STRIP1: variants seen among roughly 807,000 people sequenced by gnomAD.
STRIP1 encodes the protein striatin-interacting protein 1.
STRIP1 carries 63 observed loss-of-function variants against 106.2 expected under a neutral mutation model. The ratio of observed to expected loss-of-function variants is 0.59; its 90% CI spans 0.48 to 0.73. The LOEUF (loss-of-function observed/expected upper bound fraction) is 0.73. Among genes scored for constraint, STRIP1 ranks in the 30% least tolerant of loss-of-function variants. The probability of loss-of-function intolerance (pLI) is 0.00; values close to 1 mark genes in which losing one functional copy is unlikely to be tolerated. For missense variants in STRIP1, 857 were observed against 1,074.8 expected, an observed-to-expected ratio of 0.80 and a Z score of 2.83; for synonymous variants, 390 against 413.0, an observed-to-expected ratio of 0.94 and a Z score of 0.67.
chr1:110,037,189 G>A (rs1652499963), intron 1 of STRIP1, among the ~76,000 whole-genome samples: 2 of 152,144 alleles, frequency 1.3e-5, no homozygotes. Flanking sequence ...CAGGTAGACT[G>A]TAATTAAACC....
intron 2 of STRIP1, 88 bp downstream of exon 2, chr1:110,038,048 C>A: frequency 1.9e-6 from 1 of 528,262 alleles, no homozygotes; most frequent in Non-Finnish European, 3.3e-6. Context: ...TTTAGGGCTT[C>A]ATTGCTTTCC....
At chr1:110,034,472 A>T, upstream of STRIP1, 1 of 695,000 alleles carries the variant, frequency 1.4e-6, no homozygotes, top group Non-Finnish European at 2.2e-6. Context: ...TCAACAAGGG[A>T]AGGACTGCAG....
chr1:110,047,292 T>C (rs1183559952), intron 13 of STRIP1, among the ~76,000 whole-genome samples: 2 of 152,252 alleles, frequency 1.3e-5, no homozygotes, highest in Non-Finnish European at 2.9e-5. Flanking sequence ...ACTGGGTCTC[T>C]CTATGCTTTA....
chr1:110,034,093 T>C (rs1652313644), upstream of STRIP1, among the ~76,000 whole-genome samples: 1 of 152,260 alleles, frequency 6.6e-6, no homozygotes, highest in African/African-American at 2.4e-5. Flanking sequence ...TTTAACACTT[T>C]TCAGCATTTA....
chr1:110,035,141 G>A (rs1259854246), intron 1 of STRIP1, among the ~76,000 whole-genome samples: 1 of 152,176 alleles, frequency 6.6e-6, no homozygotes, highest in Non-Finnish European at 1.5e-5. Flanking sequence ...TCGGGGGTGA[G>A]GAGTCGGGGG....
Position 110,051,822 on chromosome 1 carries a change from A to C in STRIP1, c.2201A>C (p.Lys734Thr). Reference protein sequence around the residue: ...LGRQWRKSNMKTMSAIYQKVR... With the variant: ...LGRQWRKSNMTTMSAIYQKVR... Reference sequence around the variant, plus strand: ...CGGCAGTGGCGAAAGAGCAACATGAAGACCATGTCTGCCATCTACCAGAAG... The same window carrying C: ...CGGCAGTGGCGAAAGAGCAACATGACGACCATGTCTGCCATCTACCAGAAG... Residue 734 changes from lysine to threonine, a missense_variant, in exon 20 of 21, where the codon AAG becomes ACG. Lys to Thr is a moderately conservative substitution (Grantham distance 78). Transcript: ENST00000369795. 1 of 1,613,620 alleles carries C rather than the reference A, an allele frequency of 6.2e-7. No homozygotes were observed. The highest frequency in any genetic ancestry group is 8.5e-7 in the Non-Finnish European group (1 of 1,180,034).
chr1:110,032,036 T>G (rs1259091728), upstream of STRIP1, among the ~76,000 whole-genome samples: 1 of 151,928 alleles, frequency 6.6e-6, no homozygotes, highest in Non-Finnish European at 1.5e-5. Context: ...GCCTGGCCCC[T>G]CAAAGTTAGC....
At chr1:110,039,914 G>C (rs1557789020) in intron 5 of STRIP1, 1 of 1,293,332 alleles carries the variant, frequency 7.7e-7, no homozygotes, top group Middle Eastern at 2.2e-4. Flanking sequence ...GGCCTTGCCT[G>C]TGTCACCTTT....
chr1:110,034,561 T>A, upstream of STRIP1: 1 of 1,435,816 alleles, frequency 7.0e-7, no homozygotes, highest in South Asian at 1.5e-5. Flanking sequence ...GCCAGGGAAA[T>A]TTCCTGGAGA....
In STRIP1 at chr1:110,041,340, C is replaced by T. The variant is rs183598173; in HGVS notation, c.651-196C>T. The T allele has an allele frequency of 3.1e-5, 17 of 539,980 alleles. 1 individual carries two copies. In the Middle Eastern group the frequency reaches 2.0e-3, roughly 64 times the overall value. The allele number at this position is 539,980 out of a possible 1,614,324, so 33.4% of individuals were successfully genotyped here. A position where few individuals can be genotyped will look rare whatever the true frequency, so the allele number is the denominator to read the frequency against. ...TGTTCTGCTTTGACCCTACAGCTCG[C>T]TACCACCTCTGTGGTTTTTTTCTTT... On this transcript the variant is annotated intron_variant, in intron 6 of 20. Coordinates refer to ENST00000369795, the MANE Select transcript of STRIP1 (RefSeq NM_033088.4).
Position 110,034,741 on chromosome 1 carries a change from C to A in STRIP1, c.104C>A (p.Ala35Glu). Reference protein sequence around the residue: ...PPAAAQPPPGAPRAAAGLLPG... With the variant: ...PPAAAQPPPGEPRAAAGLLPG... Reference sequence around the variant, plus strand: ...GCAGCCGCACAGCCACCACCCGGGGCACCGCGGGCCGCCGCGGGCCTCCTG... The same window carrying A: ...GCAGCCGCACAGCCACCACCCGGGGAACCGCGGGCCGCCGCGGGCCTCCTG... The change falls in exon 1 of 21, where the codon GCA (alanine) becomes GAA (glutamate). Residue 35 changes from alanine (A) to glutamate (E), a missense_variant. Coordinates refer to ENST00000369795, the MANE Select transcript of STRIP1 (RefSeq NM_033088.4). The A allele has an allele frequency of 6.8e-7, 1 of 1,471,856 alleles. No individual in the cohort carries two copies. The highest frequency in any genetic ancestry group is 8.9e-7 in the Non-Finnish European group (1 of 1,118,156). The allele number at this position is 1,471,856 out of a possible 1,614,324, so 91.2% of individuals were successfully genotyped here. A position where few individuals can be genotyped will look rare whatever the true frequency, so the allele number is the denominator to read the frequency against.
At chr1:110,049,599 C>T (rs374606802) in intron 17 of STRIP1, 39 bp downstream of exon 17, 3 of 1,436,494 alleles carry the variant, frequency 2.1e-6, no homozygotes, top group Admixed American at 1.8e-5. Flanking sequence ...TGGATATGGT[C>T]AGACGGCAGA....
intron 17 of STRIP1, chr1:110,049,800 C>T: frequency 2.0e-6 from 1 of 492,178 alleles, no homozygotes; most frequent in Non-Finnish European, 3.6e-6. Context: ...GTTTTCATCC[C>T]AGGATCTAGT....
At chr1:110,041,354 GT>G (rs1165104444) in intron 6 of STRIP1, 181 bp from the exon 7 acceptor site, 29 of 559,216 alleles carry the variant, frequency 5.2e-5, no homozygotes, top group Admixed American at 1.9e-4. Flanking sequence ...CACCTCTGTG[GT>G]TTTTTTCTTT....
chr1:110,032,465 C>T (rs2101757633), upstream of STRIP1, among the ~76,000 whole-genome samples: 1 of 152,282 alleles, frequency 6.6e-6, no homozygotes, highest in East Asian at 1.9e-4. Flanking sequence ...GATAAAATGC[C>T]TTTAAGGATT....
intron 17 of STRIP1, 32 bp downstream of exon 17, chr1:110,049,592 A>T (rs747671432): frequency 5.4e-6 from 8 of 1,487,792 alleles, no homozygotes; most frequent in Non-Finnish European, 7.5e-6. Context: ...GAAGGGGTGG[A>T]TATGGTCAGA....
In STRIP1 at chr1:110,041,543, C is replaced by T; in HGVS notation, c.658C>T (p.Leu220Phe). The T allele has an allele frequency of 6.2e-7, 1 of 1,613,726 alleles. No homozygotes were observed. Among genetic ancestry groups the T allele is most frequent in the Non-Finnish European group, 8.5e-7 (1 of 1,179,620 alleles). Residue 220 changes from leucine to phenylalanine, a missense_variant, in exon 7 of 21, where the codon CTC (leucine) becomes TTC (phenylalanine). Around this residue, in one of 2 missense-constraint regions of STRIP1, gnomAD observed 750 missense variants for 989.8 expected, o/e 0.76. Transcript: ENST00000369795. Reference sequence around the variant, plus strand: ...GCTGGCTCTTGTCCTCAGGGTCCTGCTCAACATCATGTACCTGATAGTGGA... The same window carrying T: ...GCTGGCTCTTGTCCTCAGGGTCCTGTTCAACATCATGTACCTGATAGTGGA... ...LADSTDLRVL[L>F]NIMYLIVETV... is the part of the protein sequence containing the mutation.
chr1:110,051,888 G>A lies in STRIP1; in HGVS notation c.2266+1G>A. ...AACGACGACTGGGCATACGGCAATG[G>A]TGAGACTCTGCACTCAGCCAGATTT... On this transcript the variant is annotated splice_donor_variant, in intron 20 of 20. Transcript: ENST00000369795. LOFTEE classifies it high-confidence loss of function. The A allele has an allele frequency of 6.2e-7, 1 of 1,611,934 alleles. No individual in the cohort carries two copies. The highest frequency in any genetic ancestry group is 8.5e-7 in the Non-Finnish European group (1 of 1,179,832).
chr1:110,034,500 A>C, upstream of STRIP1: 3 of 934,628 alleles, frequency 3.2e-6, no homozygotes, highest in African/African-American at 1.8e-5. Flanking sequence ...ATCGCGAGGT[A>C]TTGGTCAGCC....
Sources: gnomAD v4.1 joint callset for allele counts (sites outside exome capture counted in the v4.1 genomes callset) on GRCh38, gnomAD v4.1.1 for gene constraint, gnomAD v4.1.1 regional missense constraint, MANE v1.5 for transcripts, NCBI Gene and HGNC (gene_info 2026-07-23, HGNC 2026-07-21) for gene names.